Variants in ANKFN1 observed in about 807,000 individuals in gnomAD.
ANKFN1 encodes the protein ankyrin repeat and fibronectin type III domain containing 1, also known as ankyrin repeat and fibronectin type-III domain-containing protein 1.
A neutral mutation model predicts 108.7 loss-of-function variants in ANKFN1; 74 were observed. The observed-to-expected ratio is 0.68, with a 90% CI of 0.56 to 0.83. The LOEUF is 0.83. ANKFN1 is among the 40% of genes least tolerant of loss of function. ANKFN1 has a pLI of 0.00. For synonymous variants in ANKFN1, 547 were observed against 516.2 expected (o/e 1.06, Z -0.81); for missense variants, 1,505 against 1,382.3 (o/e 1.09, Z -1.41).
At chr17:56,317,458 A>G (rs998394131) in intron 3 of ANKFN1, among the ~76,000 whole-genome samples, 2 of 152,184 alleles carry the variant, frequency 1.3e-5, no homozygotes, top group African/African-American at 2.4e-5. Flanking sequence ...TAAAAAGCCC[A>G]TTGTGAAATG....
intron 3 of ANKFN1, among the ~76,000 whole-genome samples, chr17:56,236,483 A>G (rs1004686433): frequency 6.6e-6 from 1 of 152,106 alleles, no homozygotes; most frequent in Non-Finnish European, 1.5e-5. Context: ...CCTGATTTGA[A>G]TCTTGGCTTG....
intron 2 of ANKFN1, among the ~76,000 whole-genome samples, chr17:56,213,608 A>G (rs1915200980): frequency 6.6e-6 from 1 of 152,210 alleles, no homozygotes; most frequent in Admixed American, 6.5e-5. Flanking sequence ...CTGATTTAAG[A>G]AAGCTTTGCT....
At chr17:56,468,662 C>T (rs537864875) in intron 15 of ANKFN1, among the ~76,000 whole-genome samples, 4 of 152,284 alleles carry the variant, frequency 2.6e-5, no homozygotes, top group East Asian at 3.9e-4. Flanking sequence ...TTTCATTCCC[C>T]GCCAAGGGGT....
chr17:56,279,829 C>T (rs927724878), intron 3 of ANKFN1, among the ~76,000 whole-genome samples: 5 of 152,082 alleles, frequency 3.3e-5, no homozygotes, highest in East Asian at 1.9e-4. Context: ...AGGCAACTCG[C>T]GTATCATTTC....
intron 6 of ANKFN1, among the ~76,000 whole-genome samples, chr17:56,360,862 G>A (rs544215142): frequency 2.4e-4 from 36 of 152,208 alleles, no homozygotes; most frequent in African/African-American, 7.0e-4. Flanking sequence ...CTTGATATAT[G>A]TGTTGTGTAA....
intron 4 of ANKFN1, among the ~76,000 whole-genome samples, chr17:56,137,715 G>A (rs1907679667): frequency 6.6e-6 from 1 of 152,070 alleles, no homozygotes. Context: ...TGTTTTGGTG[G>A]AATTATATCA....
At chr17:56,418,928 C>T (rs1467367440) in intron 8 of ANKFN1, among the ~76,000 whole-genome samples, 1 of 152,160 alleles carries the variant, frequency 6.6e-6, no homozygotes, top group Non-Finnish European at 1.5e-5. Flanking sequence ...CTTGAGTTTG[C>T]AGAAGTTAAA....
intron 4 of ANKFN1, among the ~76,000 whole-genome samples, chr17:56,058,177 T>C (rs969988802): frequency 1.3e-5 from 2 of 152,238 alleles, no homozygotes; most frequent in Non-Finnish European, 2.9e-5. Context: ...CATTGGTCTC[T>C]AACAAGAGAG....
chr17:56,462,864 C>A (rs2049954609), intron 14 of ANKFN1, among the ~76,000 whole-genome samples: 1 of 152,112 alleles, frequency 6.6e-6, no homozygotes, highest in Non-Finnish European at 1.5e-5. Flanking sequence ...AGATTCTGAC[C>A]AAGGCATTCT....
At chr17:56,180,173 G>C (rs1353530658) in intron 1 of ANKFN1, among the ~76,000 whole-genome samples, 1 of 152,182 alleles carries the variant, frequency 6.6e-6, no homozygotes, top group African/African-American at 2.4e-5. Context: ...CTCCAAGAGA[G>C]AAGTGTAGTT....
At chr17:56,348,958 C>A (rs1002710519) in intron 4 of ANKFN1, among the ~76,000 whole-genome samples, 6 of 152,084 alleles carry the variant, frequency 3.9e-5, no homozygotes, top group African/African-American at 1.4e-4. Flanking sequence ...TTCACAACAG[C>A]AAAGACACAG....
At chr17:56,174,519 G>C in intron 1 of ANKFN1, 1 of 645,402 alleles carries the variant, frequency 1.5e-6, no homozygotes, top group Non-Finnish European at 1.9e-6. Flanking sequence ...GTGCCTTTGG[G>C]ACAGCCTCTC....
chr17:56,366,939 G>A (rs931804156), intron 6 of ANKFN1, among the ~76,000 whole-genome samples: 13 of 152,294 alleles, frequency 8.5e-5, no homozygotes, highest in Non-Finnish European at 1.8e-4. Flanking sequence ...AAATGGACAA[G>A]GTCATCTCAG....
At chr17:56,286,051 T>C (rs960598119) in intron 3 of ANKFN1, among the ~76,000 whole-genome samples, 4 of 152,192 alleles carry the variant, frequency 2.6e-5, no homozygotes, top group African/African-American at 9.7e-5. Flanking sequence ...AAAGTTACCC[T>C]ATCCAGTATC....
At chr17:56,285,287 T>A (rs1424566509) in intron 3 of ANKFN1, among the ~76,000 whole-genome samples, 1 of 152,136 alleles carries the variant, frequency 6.6e-6, no homozygotes, top group East Asian at 1.9e-4. Context: ...ACTTATTCCC[T>A]GGAACTGCTG....
At chr17:56,107,672 TTC>T (rs1355772522) in intron 4 of ANKFN1, among the ~76,000 whole-genome samples, 1 of 152,076 alleles carries the variant, frequency 6.6e-6, no homozygotes, top group Admixed American at 6.5e-5. Context: ...AACTTGCCTT[TTC>T]TCTCAGTCCA....
chr17:56,303,979 A>T (rs2044746368), intron 3 of ANKFN1, among the ~76,000 whole-genome samples: 1 of 151,608 alleles, frequency 6.6e-6, no homozygotes, highest in Non-Finnish European at 1.5e-5. Flanking sequence ...TACAGGCGTG[A>T]GCCACCATAC....
At chr17:56,319,108 G>T (rs1276388106) in intron 3 of ANKFN1, among the ~76,000 whole-genome samples, 1 of 152,114 alleles carries the variant, frequency 6.6e-6, no homozygotes, top group East Asian at 1.9e-4. Context: ...AGGAGGAGGG[G>T]TCTGCCTAAA....
At chr17:56,139,022 T>C (rs575998785) in intron 4 of ANKFN1, among the ~76,000 whole-genome samples, 1 of 152,192 alleles carries the variant, frequency 6.6e-6, no homozygotes, top group Admixed American at 6.6e-5. Context: ...ATCTATCAGA[T>C]GATACAATGA....
Sources: allele counts gnomAD v4.1 joint callset (sites outside exome capture counted in the v4.1 genomes callset), GRCh38; gene constraint gnomAD v4.1.1; transcripts MANE v1.5; gene names NCBI Gene and HGNC (gene_info 2026-07-23, HGNC 2026-07-21).